The following CACNG3 variants were observed in gnomAD, a reference collection of about 807,000 sequenced individuals.
The protein encoded by CACNG3 is calcium voltage-gated channel auxiliary subunit gamma 3, also known as voltage-dependent calcium channel gamma-3 subunit.
In CACNG3, 3 loss-of-function variants were observed where a neutral mutation model predicts 28.5. The observed-to-expected ratio is 0.11, with a 90% CI of 0.05 to 0.27. The LOEUF is 0.27. Among genes scored for constraint, CACNG3 ranks in the 10% least tolerant of loss-of-function variants. The pLI is 1.00. For synonymous variants in CACNG3, 174 were observed against 162.2 expected, an observed-to-expected ratio of 1.07 and a Z score of -0.55; for missense variants, 236 against 414.4, an observed-to-expected ratio of 0.57 and a Z score of 3.74.
intron 1 of CACNG3, among the ~76,000 whole-genome samples, chr16:24,310,011 C>A (rs1899238759): frequency 1.3e-5 from 2 of 152,058 alleles, no homozygotes; most frequent in Non-Finnish European, 2.9e-5. Flanking sequence ...TTTGTGTGTG[C>A]GTGTGTGAAA....
chr16:24,261,763 C>G (rs1219733771), intron 1 of CACNG3, among the ~76,000 whole-genome samples: 1 of 152,012 alleles, frequency 6.6e-6, no homozygotes, highest in African/African-American at 2.4e-5. Flanking sequence ...TACAGATGGG[C>G]CAGGATGACA....
At chr16:24,270,613 T>C (rs1898674425) in intron 1 of CACNG3, among the ~76,000 whole-genome samples, 1 of 152,168 alleles carries the variant, frequency 6.6e-6, no homozygotes, top group Non-Finnish European at 1.5e-5. Context: ...TTTCAAGAGA[T>C]AATAAGGTCT....
intron 2 of CACNG3, among the ~76,000 whole-genome samples, chr16:24,347,709 A>G (rs1384161656): frequency 6.6e-6 from 1 of 152,200 alleles, no homozygotes; most frequent in Non-Finnish European, 1.5e-5. Context: ...AGTAACCTGG[A>G]TATGACATGA....
intron 2 of CACNG3, among the ~76,000 whole-genome samples, chr16:24,353,794 T>C (rs1181663870): frequency 6.6e-6 from 1 of 152,240 alleles, no homozygotes; most frequent in Admixed American, 6.5e-5. Flanking sequence ...TGTAGATGCG[T>C]GCAGGGAAAG....
At chr16:24,320,135 T>A (rs1478166113) in intron 1 of CACNG3, among the ~76,000 whole-genome samples, 1 of 152,184 alleles carries the variant, frequency 6.6e-6, no homozygotes, top group Non-Finnish European at 1.5e-5. Flanking sequence ...GACATAAATA[T>A]ATGGAGAAAA....
At chr16:24,336,251 C>G (rs569849034) in intron 1 of CACNG3, among the ~76,000 whole-genome samples, 130 of 151,700 alleles carry the variant, frequency 8.6e-4, no homozygotes, top group African/African-American at 3.1e-3. Flanking sequence ...AGAAAGAAAC[C>G]CCAGCAATCT....
At chr16:24,351,681 AGAAG>A (rs1899945646) in intron 2 of CACNG3, among the ~76,000 whole-genome samples, 3 of 144,478 alleles carry the variant, frequency 2.1e-5, no homozygotes, top group Admixed American at 6.9e-5. Context: ...AAAGAAAGAA[AGAAG>A]GAAAGAAAGA....
At chr16:24,284,903 T>C (rs1490433173) in intron 1 of CACNG3, among the ~76,000 whole-genome samples, 1 of 151,760 alleles carries the variant, frequency 6.6e-6, no homozygotes, top group Admixed American at 6.6e-5. Context: ...ATAAAATCAT[T>C]GAAGGGGAAA....
intron 1 of CACNG3, among the ~76,000 whole-genome samples, chr16:24,310,353 C>G (rs1478535705): frequency 6.6e-6 from 1 of 152,024 alleles, no homozygotes; most frequent in Non-Finnish European, 1.5e-5. Context: ...CACTTGAGGT[C>G]AGGAGTTCAA....
chr16:24,270,865 A>T (rs1898678131), intron 1 of CACNG3, among the ~76,000 whole-genome samples: 1 of 152,242 alleles, frequency 6.6e-6, no homozygotes, highest in Non-Finnish European at 1.5e-5. Flanking sequence ...AATATGAAGC[A>T]GGTGAGAGGC....
chr16:24,350,632 T>G (rs938753609), intron 2 of CACNG3, among the ~76,000 whole-genome samples: 4 of 152,282 alleles, frequency 2.6e-5, no homozygotes, highest in East Asian at 1.9e-4. Context: ...ACCAACACAG[T>G]TCAATAGCTT....
intron 1 of CACNG3, among the ~76,000 whole-genome samples, chr16:24,305,721 G>A (rs140487982): frequency 9.2e-5 from 14 of 152,146 alleles, no homozygotes; most frequent in Non-Finnish European, 2.1e-4. Context: ...TAGATAACGG[G>A]TTGATAGGTG....
chr16:24,329,019 G>A (rs1899598568), intron 1 of CACNG3, among the ~76,000 whole-genome samples: 1 of 152,184 alleles, frequency 6.6e-6, no homozygotes, highest in African/African-American at 2.4e-5. Flanking sequence ...TGGGCAGGGA[G>A]AATGGGGATC....
chr16:24,356,010 A>G (rs1277596108), intron 3 of CACNG3, among the ~76,000 whole-genome samples: 1 of 151,794 alleles, frequency 6.6e-6, no homozygotes, highest in African/African-American at 2.4e-5. Flanking sequence ...TGCCTCTTTT[A>G]CCTCCCTCCA....
intron 1 of CACNG3, among the ~76,000 whole-genome samples, chr16:24,342,768 AT>A (rs35998733): frequency 6.6e-6 from 1 of 152,102 alleles, no homozygotes; most frequent in African/African-American, 2.4e-5. Context: ...TGAATTTCAC[AT>A]TTTTTTGCAG....
intron 1 of CACNG3, among the ~76,000 whole-genome samples, chr16:24,327,996 A>G (rs1899580731): frequency 6.6e-6 from 1 of 152,210 alleles, no homozygotes; most frequent in Admixed American, 6.5e-5. Context: ...TACTCATCCC[A>G]TACATTCATT....
intron 2 of CACNG3, among the ~76,000 whole-genome samples, chr16:24,352,647 T>A (rs1394720181): frequency 6.6e-6 from 1 of 151,908 alleles, no homozygotes; most frequent in Non-Finnish European, 1.5e-5. Context: ...TAAGTGATCC[T>A]CCTACCTCAG....
At position 24,275,930 on chromosome 16, in the gene CACNG3, G is replaced by T. The variant is rs573686292; in HGVS notation, c.211+18965G>T. 6.6e-5 allele frequency among the ~76,000 whole-genome samples: 10 copies of T among 152,316 alleles called. No individual in the cohort carries two copies. The South Asian group carries it at 2.1e-3, about 32-fold the overall frequency. On this transcript the variant is annotated intron_variant, in intron 1 of 3. Transcript: ENST00000005284. ...GAAAAATGGATTTTCATGTAGTAGA[G>T]CATGAAAAGTTAATATGGTTTCAGA...
chr16:24,265,004 C>T (rs1438671551), intron 1 of CACNG3, among the ~76,000 whole-genome samples: 1 of 152,124 alleles, frequency 6.6e-6, no homozygotes, highest in African/African-American at 2.4e-5. Context: ...TTTGAGAGGC[C>T]AAGGAAGGTG....
Sources: gnomAD v4.1 joint callset for allele counts (sites outside exome capture counted in the v4.1 genomes callset) on GRCh38, gnomAD v4.1.1 for gene constraint, MANE v1.5 for transcripts, NCBI Gene and HGNC (gene_info 2026-07-23, HGNC 2026-07-21) for gene names.